The following DICER1 variants were observed in gnomAD, a reference collection of about 807,000 sequenced individuals.
DICER1 encodes the protein dicer 1, ribonuclease III.
DICER1 carries 43 observed loss-of-function variants against 194.1 expected under a neutral mutation model. That is an observed-to-expected ratio of 0.22 (90% CI 0.17 to 0.29). DICER1 has a LOEUF of 0.29. Ranked by LOEUF, DICER1 falls within the 10% of genes least tolerant of loss-of-function variation. The probability of loss-of-function intolerance (pLI) is 1.00; values close to 1 mark genes in which losing one functional copy is unlikely to be tolerated. For synonymous variants in DICER1, 832 were observed against 820.5 expected, an observed-to-expected ratio of 1.01 and a Z score of -0.24; for missense variants, 1,608 against 2,317.0, an observed-to-expected ratio of 0.69 and a Z score of 6.28.
intron 1 of DICER1, among the ~76,000 whole-genome samples, chr14:95,140,962 T>C (rs187792835): frequency 3.2e-4 from 48 of 152,302 alleles, no homozygotes; most frequent in Admixed American, 2.9e-3. Flanking sequence ...TACAATAGCA[T>C]GCCTAATTCC....
At chr14:95,154,695 AG>A in intron 1 of DICER1, among the ~76,000 whole-genome samples, 1 of 152,318 alleles carries the variant, frequency 6.6e-6, no homozygotes, top group South Asian at 2.1e-4. Flanking sequence ...CTGGCATTGA[AG>A]GTAGGATGGA....
intron 17 of DICER1, 55 bp downstream of exon 17, chr14:95,107,553 T>G: frequency 6.3e-7 from 1 of 1,591,336 alleles, no homozygotes; most frequent in Non-Finnish European, 8.6e-7. Flanking sequence ...CCCGACCTAG[T>G]GCATCTTTTA....
intron 1 of DICER1, among the ~76,000 whole-genome samples, chr14:95,145,703 T>C: frequency 6.6e-6 from 1 of 152,172 alleles, no homozygotes; most frequent in East Asian, 1.9e-4. Context: ...TTCAAGAATT[T>C]AAACACTGGT....
chr14:95,100,740 CT>C (rs1221673131), intron 21 of DICER1, among the ~76,000 whole-genome samples: 1 of 152,130 alleles, frequency 6.6e-6, no homozygotes, highest in African/African-American at 2.4e-5. Flanking sequence ...TTATTAAGTA[CT>C]TCATTAGCCC....
intron 9 of DICER1, among the ~76,000 whole-genome samples, chr14:95,117,233 C>T (rs1472902245): frequency 2.7e-5 from 4 of 150,000 alleles, no homozygotes; most frequent in Non-Finnish European, 5.9e-5. Context: ...CAAAATAGGC[C>T]TTTAAATGAA....
rs1891374813 is a variant in DICER1, at chr14:95,105,878, T to C, written c.2988-95A>G. On this transcript the variant is annotated intron_variant, in intron 18 of 26. Coordinates refer to ENST00000343455, the MANE Select transcript of DICER1 (RefSeq NM_177438.3). This position sits in a 1 kb window ranked among gnomAD's most constrained non-coding sequence, Gnocchi z 4.9. Reference sequence around the variant, plus strand: ...AACCACCTGAAGAGCTCATTTCAACTACAGCCTCTTGGGCTACCCCTTGGG... The same window carrying C: ...AACCACCTGAAGAGCTCATTTCAACCACAGCCTCTTGGGCTACCCCTTGGG... 3 of 1,380,840 alleles carry C rather than the reference T, an allele frequency of 2.2e-6. No individual in the cohort carries two copies. The highest frequency in any genetic ancestry group is 1.7e-5 in the Admixed American group (1 of 59,102). The allele number at this position is 1,380,840 out of a possible 1,614,324, so 85.5% of individuals were successfully genotyped here. A position where few individuals can be genotyped will look rare whatever the true frequency, so the allele number is the denominator to read the frequency against.
intron 14 of DICER1, among the ~76,000 whole-genome samples, chr14:95,109,398 T>C (rs1891751423): frequency 6.6e-6 from 1 of 152,212 alleles, no homozygotes; most frequent in Non-Finnish European, 1.5e-5. Flanking sequence ...CAGGCAGTAC[T>C]ATGCTTTTCT....
rs35463377 is a variant in DICER1 at position 95,089,049 on chromosome 14, C to CAAAAA, written c.*1444_*1448dup. 5.0e-6 allele frequency: 1 copy of CAAAAA among 198,978 alleles called. No individual in the cohort carries two copies. The allele number at this position is 198,978 out of a possible 1,614,324, so 12.3% of individuals were successfully genotyped here. A position where few individuals can be genotyped will look rare whatever the true frequency, so the allele number is the denominator to read the frequency against. ...ATTAAGAGGTATTATAGTTACAGTG[C>CAAAAA]AAAAAAAAAAAAATTAAAATTTCAA... On this transcript the variant is annotated 3_prime_UTR_variant, in exon 27 of 27. Coordinates refer to ENST00000343455, the MANE Select transcript of DICER1 (RefSeq NM_177438.3).
intron 1 of DICER1, among the ~76,000 whole-genome samples, chr14:95,155,165 C>T (rs1293400153): frequency 5.9e-5 from 9 of 152,160 alleles, no homozygotes. Flanking sequence ...GAGTTGATCG[C>T]AGGGTCACAG....
In DICER1 at chr14:95,124,906, G is replaced by A. The variant is rs1893277162; in HGVS notation, c.904-238C>T. Among the ~76,000 whole-genome samples, 1 of 152,114 alleles carries A rather than the reference G, an allele frequency of 6.6e-6. No individual in the cohort carries two copies. The highest frequency in any genetic ancestry group is 2.4e-5 in the African/African-American group (1 of 41,404). On this transcript the variant is annotated intron_variant, in intron 7 of 26. Transcript: ENST00000343455. The surrounding 1 kb of genome is among the most constrained non-coding windows in gnomAD (Gnocchi z 4.5). ...AATAATCAAACAGAAATTAAAAGAT[G>A]CAATTGTATGAGGTTAATGAAGCTT...
intron 6 of DICER1, among the ~76,000 whole-genome samples, chr14:95,128,412 TCAC>T (rs903205374): frequency 6.6e-6 from 1 of 152,204 alleles, no homozygotes; most frequent in African/African-American, 2.4e-5. Context: ...GCCTTCTACT[TCAC>T]CACCACAGTG....
At chr14:95,108,533 T>G in intron 14 of DICER1, 30 bp from the exon 15 acceptor site, 5 of 1,598,958 alleles carry the variant, frequency 3.1e-6, no homozygotes, top group Non-Finnish European at 4.3e-6. Flanking sequence ...TTAAGCGTCA[T>G]GCTCAAGCAT....
chr14:95,110,446 G>GT (rs1891856245), intron 14 of DICER1, among the ~76,000 whole-genome samples: 1 of 152,218 alleles, frequency 6.6e-6, no homozygotes, highest in Non-Finnish European at 1.5e-5. Flanking sequence ...TTGGGATGTA[G>GT]TAGGAAACCG....
At chr14:95,092,210 C>T (rs144232539) in intron 24 of DICER1, among the ~76,000 whole-genome samples, 107 of 152,260 alleles carry the variant, frequency 7.0e-4, no homozygotes, top group African/African-American at 2.4e-3. Context: ...ATATATTATA[C>T]GTGAAAAGAA....
At chr14:95,129,419 T>C (rs1893752087) in intron 6 of DICER1, 53 bp downstream of exon 6, 2 of 1,559,896 alleles carry the variant, frequency 1.3e-6, no homozygotes, top group Non-Finnish European at 1.8e-6. Context: ...ACCAAAGACT[T>C]AATATTGTTT....
In DICER1 at chr14:95,112,985, G is replaced by T. The variant is rs188856063; in HGVS notation, c.2040+107C>A. On this transcript the variant is annotated intron_variant, in intron 12 of 26. Coordinates refer to ENST00000343455, the MANE Select transcript of DICER1 (RefSeq NM_177438.3). ...CACAAGGCTCCTGCTCATGAAAGTAGATTTTAAAATCAAATTTACCTATAA... is the reference window on the plus strand; with the variant it reads ...CACAAGGCTCCTGCTCATGAAAGTATATTTTAAAATCAAATTTACCTATAA... 3,263 of 1,237,604 alleles carry T rather than the reference G, an allele frequency of 2.6e-3. 9 individuals carry two copies. The highest frequency in any genetic ancestry group is 3.1e-3 in the Non-Finnish European group (2,639 of 848,400). The allele number at this position is 1,237,604 out of a possible 1,614,324, so 76.7% of individuals were successfully genotyped here.
rs1889505060 is a variant in DICER1, at chr14:95,088,336, G to T, written c.*2162C>A. Reference sequence around the variant, plus strand: ...ACTGTGAAAACAATCTGATTTTGGTGCCAGGAATCAAGAGAATCCCGTAAC... The same window carrying T: ...ACTGTGAAAACAATCTGATTTTGGTTCCAGGAATCAAGAGAATCCCGTAAC... On this transcript the variant is annotated 3_prime_UTR_variant, in exon 27 of 27. Transcript: ENST00000343455. The T allele has an allele frequency of 4.3e-6, 1 of 232,048 alleles. No homozygotes were observed. Among genetic ancestry groups the T allele is most frequent in the Non-Finnish European group, 8.5e-6 (1 of 117,180 alleles). The allele number at this position is 232,048 out of a possible 1,614,324, so 14.4% of individuals were successfully genotyped here.
chr14:95,146,467 G>C (rs1181423377), intron 1 of DICER1, among the ~76,000 whole-genome samples: 2 of 152,198 alleles, frequency 1.3e-5, no homozygotes, highest in Non-Finnish European at 2.9e-5. Context: ...CACACTGGGG[G>C]AAAAACCACA....
Position 95,105,283 on chromosome 14 carries a change from AGC to A in DICER1, c.3094-39_3094-38del. ...GGGAAAAATGGACAGATAAATACAA[AGC>A]GCACACACAAAAGAAAAAAAAAAAG... On this transcript the variant is annotated intron_variant, in intron 19 of 26. Transcript: ENST00000343455. This position sits in a 1 kb window ranked among gnomAD's most constrained non-coding sequence, Gnocchi z 4.9. 6.3e-7 allele frequency: 1 copy of A among 1,576,790 alleles called. No individual in the cohort carries two copies. Among genetic ancestry groups the A allele is most frequent in the Non-Finnish European group, 8.7e-7 (1 of 1,146,298 alleles).
Sources: allele counts gnomAD v4.1 joint callset (sites outside exome capture counted in the v4.1 genomes callset), GRCh38; gene constraint gnomAD v4.1.1; non-coding constraint Gnocchi (gnomAD v3.1); transcripts MANE v1.5; gene names NCBI Gene and HGNC (gene_info 2026-07-23, HGNC 2026-07-21).